The following PLCB1 variants were observed in gnomAD, a reference collection of about 807,000 sequenced individuals.
The protein encoded by PLCB1 is 1-phosphatidylinositol 4,5-bisphosphate phosphodiesterase beta-1.
PLCB1 carries 46 observed loss-of-function variants against 161.8 expected under a neutral mutation model. That is an observed-to-expected ratio of 0.28 (90% CI 0.22 to 0.36). PLCB1 has a LOEUF of 0.36. Ranked by LOEUF, PLCB1 falls within the 10% of genes least tolerant of loss-of-function variation. The pLI, the probability that PLCB1 is intolerant of heterozygous loss-of-function variation, is 1.00. For synonymous variants in PLCB1, 517 were observed against 503.7 expected (o/e 1.03, Z -0.35); for missense variants, 1,016 against 1,472.5 (o/e 0.69, Z 5.07).
chr20:8,196,716 C>T (rs542008540), intron 2 of PLCB1, among the ~76,000 whole-genome samples: 6 of 151,424 alleles, frequency 4.0e-5, no homozygotes, highest in East Asian at 1.9e-4. Flanking sequence ...ATGTGCACAA[C>T]GTGCAGGTTT....
chr20:8,207,606 G>T (rs759209979), intron 2 of PLCB1, among the ~76,000 whole-genome samples: 1 of 151,986 alleles, frequency 6.6e-6, no homozygotes, highest in Non-Finnish European at 1.5e-5. Flanking sequence ...TAAGACACGA[G>T]ATCTTGGTCT....
chr20:8,655,044 A>G (rs1325765658), intron 7 of PLCB1, among the ~76,000 whole-genome samples: 1 of 152,080 alleles, frequency 6.6e-6, no homozygotes, highest in Non-Finnish European at 1.5e-5. Flanking sequence ...AATCAGCTGT[A>G]TTGAAATATT....
intron 12 of PLCB1, among the ~76,000 whole-genome samples, chr20:8,712,879 T>TC (rs1979095500): frequency 1.3e-5 from 2 of 152,308 alleles, no homozygotes; most frequent in South Asian, 4.1e-4. Flanking sequence ...TGATTTTTTT[T>TC]CCCTCTCACT....
chr20:8,432,082 T>A (rs1238366885), intron 3 of PLCB1, among the ~76,000 whole-genome samples: 1 of 152,084 alleles, frequency 6.6e-6, no homozygotes, highest in Admixed American at 6.5e-5. Context: ...TGTGGGATTT[T>A]TCCTTAGTTC....
chr20:8,368,505 T>G, intron 2 of PLCB1, among the ~76,000 whole-genome samples: 2 of 121,988 alleles, frequency 1.6e-5, no homozygotes, highest in Admixed American at 1.1e-4. Flanking sequence ...TTAGCCTGGG[T>G]GATGGAGTGA....
At chr20:8,197,168 C>T (rs1210488602) in intron 2 of PLCB1, among the ~76,000 whole-genome samples, 2 of 152,128 alleles carry the variant, frequency 1.3e-5, no homozygotes, top group African/African-American at 2.4e-5. Flanking sequence ...ATTTATATTC[C>T]TTTGGGTATA....
intron 2 of PLCB1, among the ~76,000 whole-genome samples, chr20:8,231,120 A>G (rs111797847): frequency 0.029 from 4,389 of 152,124 alleles, 223 homozygotes; most frequent in African/African-American, 0.099. Flanking sequence ...CCATGCTGCA[A>G]CCCTGCCACA....
At chr20:8,631,269 C>A (rs1175956075) in intron 4 of PLCB1, among the ~76,000 whole-genome samples, 6 of 152,224 alleles carry the variant, frequency 3.9e-5, no homozygotes, top group Non-Finnish European at 7.3e-5. Context: ...CACACTTTGA[C>A]AATCTCTTCC....
chr20:8,464,263 T>A (rs1294067411), intron 3 of PLCB1, among the ~76,000 whole-genome samples: 1 of 152,180 alleles, frequency 6.6e-6, no homozygotes, highest in Non-Finnish European at 1.5e-5. Flanking sequence ...TCCAGGTATA[T>A]GTCTTTCTAA....
Position 8,883,827 on chromosome 20 carries a change from CTT to C in PLCB1, c.*1981_*1982del, listed in dbSNP as rs2146340280. ...ACTTAACTTCCAATGAAAAAGAAAT[CTT>C]TTGTAAATCATTCTACTTTTGCACT... is the stretch of plus-strand genomic sequence containing the variant. On this transcript the variant is annotated 3_prime_UTR_variant, in exon 32 of 32. Coordinates refer to ENST00000338037, the MANE Select transcript of PLCB1 (RefSeq NM_015192.4). 1 of 152,536 alleles carries C rather than the reference CTT, an allele frequency of 6.6e-6. No homozygotes were observed. The highest frequency in any genetic ancestry group is 1.9e-4 in the East Asian group (1 of 5,168). 9.4% of individuals were successfully genotyped at this position (152,536 alleles called of 1,614,324 possible).
chr20:8,481,608 T>C (rs1982500517), intron 3 of PLCB1, among the ~76,000 whole-genome samples: 1 of 152,210 alleles, frequency 6.6e-6, no homozygotes, highest in Admixed American at 6.5e-5. Flanking sequence ...TTCTCAAAAT[T>C]AATTGTAGGC....
At chr20:8,662,436 A>G (rs182289141) in intron 9 of PLCB1, among the ~76,000 whole-genome samples, 2,691 of 110,130 alleles carry the variant, frequency 0.024, 116 homozygotes, top group African/African-American at 0.086. Context: ...TTATTATATA[A>G]TTATGTGTTA....
At chr20:8,780,527 C>T (rs892439372) in intron 27 of PLCB1, among the ~76,000 whole-genome samples, 2 of 152,156 alleles carry the variant, frequency 1.3e-5, no homozygotes, top group African/African-American at 4.8e-5. Flanking sequence ...ATCCATTCAC[C>T]TCTTTCTTTA....
chr20:8,250,510 T>C (rs1042536165), intron 2 of PLCB1, among the ~76,000 whole-genome samples: 1 of 151,902 alleles, frequency 6.6e-6, no homozygotes, highest in South Asian at 2.1e-4. Context: ...ATCATATCTT[T>C]TGCCATCTTT....
chr20:8,243,167 A>G (rs183852346), intron 2 of PLCB1, among the ~76,000 whole-genome samples: 2 of 152,110 alleles, frequency 1.3e-5, no homozygotes, highest in Admixed American at 1.3e-4. Flanking sequence ...GCTGGAGCAC[A>G]GTAATAACAG....
chr20:8,884,157 T>G lies in PLCB1; in HGVS notation c.*2308T>G, dbSNP rs963973768. On this transcript the variant is annotated 3_prime_UTR_variant, in exon 32 of 32. Transcript: ENST00000338037. ...CATTTACTGTAATCACATTTTTATA[T>G]CTGTACAATGACACTTTTTGCAGTT... The G allele has an allele frequency of 4.6e-5, 7 of 152,540 alleles. No homozygotes were observed. Among genetic ancestry groups the G allele is most frequent in the Admixed American group, 3.9e-4 (6 of 15,276 alleles). 9.4% of individuals were successfully genotyped at this position (152,540 alleles called of 1,614,324 possible).
intron 27 of PLCB1, among the ~76,000 whole-genome samples, chr20:8,779,069 G>A (rs568619904): frequency 6.6e-6 from 1 of 152,238 alleles, no homozygotes; most frequent in African/African-American, 2.4e-5. Flanking sequence ...AAGTATTTGG[G>A]TGATGAGGAA....
chr20:8,353,282 A>G (rs1173988115), intron 2 of PLCB1, among the ~76,000 whole-genome samples: 1 of 152,200 alleles, frequency 6.6e-6, no homozygotes, highest in Admixed American at 6.5e-5. Flanking sequence ...TTGCAACTCA[A>G]AGTATAAAAT....
At position 8,216,358 on chromosome 20, in the gene PLCB1, G is replaced by A. The variant is rs552545170; in HGVS notation, c.177+65987G>A. On this transcript the variant is annotated intron_variant, in intron 2 of 31. Coordinates refer to ENST00000338037, the MANE Select transcript of PLCB1 (RefSeq NM_015192.4). ...ATGGTCATTGTGGATCTCAGACTGA[G>A]TACAAGGCTGCAATATTCACTCCTG... 3.4e-4 allele frequency among the ~76,000 whole-genome samples: 52 copies of A among 152,180 alleles called. 1 individual carries two copies. The highest frequency in any genetic ancestry group is 1.2e-3 in the African/African-American group (50 of 41,538).
Sources: gnomAD v4.1 joint callset for allele counts (sites outside exome capture counted in the v4.1 genomes callset) on GRCh38, gnomAD v4.1.1 for gene constraint, MANE v1.5 for transcripts, NCBI Gene and HGNC (gene_info 2026-07-23, HGNC 2026-07-21) for gene names.